Variants in ITPR1 observed in about 807,000 individuals in gnomAD.
ITPR1 encodes the protein inositol 1,4,5-trisphosphate receptor type 1.
In ITPR1, 96 loss-of-function variants were observed where a neutral mutation model predicts 318.4. The observed-to-expected ratio is 0.30, with a 90% CI of 0.26 to 0.36. The LOEUF (loss-of-function observed/expected upper bound fraction) is 0.36. Among genes scored for constraint, ITPR1 ranks in the 10% least tolerant of loss-of-function variants. ITPR1 has a pLI of 1.00. For missense variants in ITPR1, 2,440 were observed against 3,460.2 expected, an observed-to-expected ratio of 0.71 and a Z score of 7.40; for synonymous variants, 1,312 against 1,289.9, an observed-to-expected ratio of 1.02 and a Z score of -0.37.
chr3:4,581,439 C>T (rs145196697), intron 4 of ITPR1, among the ~76,000 whole-genome samples: 17 of 152,276 alleles, frequency 1.1e-4, no homozygotes, highest in Non-Finnish European at 2.2e-4. Flanking sequence ...GTTGCTTTTA[C>T]ATCAGTTTTA....
intron 4 of ITPR1, among the ~76,000 whole-genome samples, chr3:4,525,508 G>A (rs1165069430): frequency 6.6e-6 from 1 of 152,156 alleles, no homozygotes; most frequent in African/African-American, 2.4e-5. Flanking sequence ...TCCTCTGTAG[G>A]AAGAAAAGGT....
In ITPR1 at chr3:4,577,111, T is replaced by C. The variant is rs2088755602; in HGVS notation, c.164-50652T>C. 2.6e-5 allele frequency among the ~76,000 whole-genome samples: 4 copies of C among 152,310 alleles called. 1 individual carries two copies. The South Asian group carries it at 8.3e-4, about 32-fold the overall frequency. ...ATTGTGTTCCCCACGCTGCCAGTTA[T>C]ATGTGGTAGAGTTGCATTCCACAGA... On this transcript the variant is annotated intron_variant, in intron 4 of 61. Transcript: ENST00000649015.
At chr3:4,663,338 G>A (rs2093878260) in intron 16 of ITPR1, 132 bp downstream of exon 16, 1 of 720,018 alleles carries the variant, frequency 1.4e-6, no homozygotes, top group Admixed American at 3.1e-5. Flanking sequence ...AGGAAATGGA[G>A]GTTGCAGTGA....
chr3:4,524,908 A>G (rs1372677612), intron 4 of ITPR1, among the ~76,000 whole-genome samples: 3 of 152,200 alleles, frequency 2.0e-5, no homozygotes, highest in Non-Finnish European at 4.4e-5. Context: ...AATAGGCTCT[A>G]TCTCATAAGG....
At chr3:4,736,100 C>T (rs2043245148) in intron 44 of ITPR1, among the ~76,000 whole-genome samples, 1 of 151,540 alleles carries the variant, frequency 6.6e-6, no homozygotes. Context: ...TTTTTAATAC[C>T]TCCTTTATGC....
At chr3:4,525,389 CG>C (rs1407376720) in intron 4 of ITPR1, among the ~76,000 whole-genome samples, 3 of 152,152 alleles carry the variant, frequency 2.0e-5, no homozygotes, top group Non-Finnish European at 2.9e-5. Flanking sequence ...AGTTCAACAT[CG>C]AACACACTTG....
chr3:4,811,012 G>T (rs955796504), intron 55 of ITPR1, among the ~76,000 whole-genome samples: 2 of 152,150 alleles, frequency 1.3e-5, no homozygotes, highest in Admixed American at 6.5e-5. Flanking sequence ...TCTATTTCCA[G>T]TCCCTCTAAA....
chr3:4,750,417 G>T (rs755199333), intron 44 of ITPR1: 1 of 152,094 alleles, frequency 6.6e-6, no homozygotes, highest in South Asian at 2.1e-4. Flanking sequence ...GAAAAACAAG[G>T]TCATGCTGCA....
In ITPR1 at chr3:4,784,726, CAAAAA is replaced by C. The variant is rs34856837; in HGVS notation, c.6615+823_6615+827del. ...TGAAACCCCTTCTCCACTAAAAATA[CAAAAA>C]AAAAAAAAAAAAAAAATTAGCCAGG... On this transcript the variant is annotated intron_variant, in intron 51 of 61. Coordinates refer to ENST00000649015, the MANE Select transcript of ITPR1 (RefSeq NM_001378452.1). 5.8e-3 allele frequency among the ~76,000 whole-genome samples: 633 copies of C among 109,486 alleles called. 3 individuals carry two copies. Among genetic ancestry groups the C allele is most frequent in the African/African-American group, 0.02 (558 of 28,212 alleles). 71.8% of individuals were successfully genotyped at this position (109,486 alleles called of 152,430 possible).
intron 44 of ITPR1, among the ~76,000 whole-genome samples, chr3:4,736,178 C>T (rs931390): frequency 0.71 from 107,929 of 151,876 alleles, 38,884 homozygotes; most frequent in East Asian, 0.87. Flanking sequence ...TGTACAGACT[C>T]GTGTACACAT....
chr3:4,520,120 G>A (rs1483284648), intron 3 of ITPR1, among the ~76,000 whole-genome samples: 2 of 152,208 alleles, frequency 1.3e-5, no homozygotes, highest in Non-Finnish European at 2.9e-5. Context: ...AAACCATGGT[G>A]TGTTAGCTGG....
At chr3:4,548,582 C>T (rs1003738532) in intron 4 of ITPR1, among the ~76,000 whole-genome samples, 2 of 152,140 alleles carry the variant, frequency 1.3e-5, no homozygotes, top group African/African-American at 2.4e-5. Context: ...ACTCTTTGTC[C>T]TGTTTATTGG....
intron 2 of ITPR1, among the ~76,000 whole-genome samples, chr3:4,509,727 G>T (rs921980330): frequency 1.3e-5 from 2 of 152,176 alleles, no homozygotes; most frequent in African/African-American, 2.4e-5. Context: ...AGCCTGGGAG[G>T]TCAAGGCTGC....
chr3:4,538,542 C>T (rs2084092982), intron 4 of ITPR1, among the ~76,000 whole-genome samples: 1 of 152,168 alleles, frequency 6.6e-6, no homozygotes, highest in Non-Finnish European at 1.5e-5. Flanking sequence ...AATCCCATTC[C>T]TGGGTTTAAA....
chr3:4,543,401 A>T (rs2124980704), intron 4 of ITPR1, among the ~76,000 whole-genome samples: 1 of 152,362 alleles, frequency 6.6e-6, no homozygotes, highest in Admixed American at 6.5e-5. Context: ...GGAAGCTCCC[A>T]AGAAAACCAT....
chr3:4,523,316 G>T (rs1207087053), intron 4 of ITPR1, among the ~76,000 whole-genome samples: 1 of 151,916 alleles, frequency 6.6e-6, no homozygotes, highest in African/African-American at 2.4e-5. Flanking sequence ...TTAAAATTTT[G>T]TTTTTTAAAT....
In ITPR1 at chr3:4,813,199, G is replaced by A. The variant is rs2049052703; in HGVS notation, c.7526G>A (p.Ser2509Asn). The change falls in exon 57 of 62, where the codon AGT (serine) becomes AAT (asparagine). Residue 2509 changes from serine to asparagine, a missense_variant. By Grantham distance (46) the Ser-to-Asn change is conservative (BLOSUM62 1). Around this residue, in one of 23 missense-constraint regions of ITPR1, gnomAD observed 88 missense variants for 90.5 expected, o/e 0.97. Transcript: ENST00000649015. Reference sequence around the variant, plus strand: ...TTCTCCGATGTGTGTAGGGTGGAGAGTGGGGAGAACTGCTCCTCTCCTGCA... The same window carrying A: ...TTCTCCGATGTGTGTAGGGTGGAGAATGGGGAGAACTGCTCCTCTCCTGCA... ...FLFSDVCRVE[S>N]GENCSSPAPR... 1 of 1,613,778 alleles carries A rather than the reference G, an allele frequency of 6.2e-7. No homozygotes were observed. The highest frequency in any genetic ancestry group is 8.5e-7 in the Non-Finnish European group (1 of 1,179,720).
intron 40 of ITPR1, among the ~76,000 whole-genome samples, chr3:4,721,116 ATATATATATT>A (rs931323273): frequency 2.2e-4 from 32 of 147,258 alleles, no homozygotes; most frequent in Middle Eastern, 3.6e-3. Flanking sequence ...GGATATATAT[ATATATATATT>A]TATATATATT....
chr3:4,560,164 T>C (rs562977634), intron 4 of ITPR1, among the ~76,000 whole-genome samples: 17 of 152,322 alleles, frequency 1.1e-4, no homozygotes, highest in Admixed American at 9.2e-4. Flanking sequence ...CTTAAGTAAC[T>C]GCAGCACAGA....
Sources: gnomAD v4.1 joint callset for allele counts (sites outside exome capture counted in the v4.1 genomes callset) on GRCh38, gnomAD v4.1.1 for gene constraint, gnomAD v4.1.1 regional missense constraint, MANE v1.5 for transcripts, NCBI Gene and HGNC (gene_info 2026-07-23, HGNC 2026-07-21) for gene names.